Variants in DDX60 observed in about 807,000 individuals in gnomAD.
DDX60 encodes probable ATP-dependent RNA helicase DDX60.
Under a neutral mutation model 212.8 loss-of-function variants are expected in DDX60, and 165 were observed. The observed-to-expected ratio is 0.78, with a 90% confidence interval of 0.68 to 0.88. The LOEUF (loss-of-function observed/expected upper bound fraction) is 0.88, where lower values mean the gene tolerates loss of function less well. DDX60 is among the 40% of genes least tolerant of loss of function. The pLI is 0.00. For missense variants in DDX60, 1,905 were observed against 2,003.9 expected (o/e 0.95, Z 0.94); for synonymous variants, 703 against 685.3 (o/e 1.03, Z -0.40).
intron 10 of DDX60, among the ~76,000 whole-genome samples, chr4:168,285,955 G>A (rs1029310113): frequency 3.0e-5 from 4 of 132,036 alleles, no homozygotes; most frequent in African/African-American, 1.2e-4. Context: ...AAGGGAGGGA[G>A]GGAAAGGAAA....
intron 12 of DDX60, 129 bp from the exon 13 acceptor site, chr4:168,283,735 T>A: frequency 1.5e-6 from 1 of 674,332 alleles, no homozygotes; most frequent in Non-Finnish European, 2.4e-6. Flanking sequence ...TTATCTTTCT[T>A]AAAGAGAGAA....
Position 168,272,064 on chromosome 4 carries a change from G to C in DDX60, c.2649C>G (p.Ile883Met). 1 of 1,583,928 alleles carries C rather than the reference G, an allele frequency of 6.3e-7. No homozygotes were observed. Among genetic ancestry groups the C allele is most frequent in the Non-Finnish European group, 8.6e-7 (1 of 1,162,216 alleles). Residue 883 changes from isoleucine (I) to methionine (M), a missense_variant, in exon 19 of 38, where the codon ATC (isoleucine) becomes ATG (methionine). Ile to Met is a conservative substitution (Grantham distance 10). Transcript: ENST00000393743. ...APHRQNWVKK[I>M]RYVIFDEVHC... is the part of the protein sequence containing the mutation. ...CTACCTCATCAAATATAACATATCT[G>C]ATCTTTTTCACCCAGTTTTGGCGAT...
intron 14 of DDX60, among the ~76,000 whole-genome samples, chr4:168,280,116 A>C (rs1482480252): frequency 2.0e-5 from 3 of 152,144 alleles, no homozygotes; most frequent in Non-Finnish European, 4.4e-5. Flanking sequence ...AACAATATAC[A>C]TGGCATTTGG....
chr4:168,220,621 A>G, intron 37 of DDX60, 34 bp downstream of exon 37: 2 of 1,176,002 alleles, frequency 1.7e-6, no homozygotes, highest in Non-Finnish European at 2.4e-6. Flanking sequence ...AATTATTAAA[A>G]AATCTAAAAT....
chr4:168,224,519 T>C, intron 34 of DDX60, 134 bp from the exon 35 acceptor site: 1 of 796,840 alleles, frequency 1.3e-6, no homozygotes, highest in East Asian at 2.7e-5. Flanking sequence ...GTTTCGTAAG[T>C]TATATCGCAT....
chr4:168,271,967 C>T (rs1012408990), intron 19 of DDX60, 76 bp downstream of exon 19: 53 of 1,193,734 alleles, frequency 4.4e-5, no homozygotes, highest in Middle Eastern at 2.7e-4. Flanking sequence ...GGATAGATGT[C>T]CTGAAACACC....
At chr4:168,307,077 T>C (rs1300237439) in intron 4 of DDX60, among the ~76,000 whole-genome samples, 1 of 152,178 alleles carries the variant, frequency 6.6e-6, no homozygotes, top group Non-Finnish European at 1.5e-5. Flanking sequence ...AGGTGAACCA[T>C]TGTGTTTTAG....
chr4:168,312,686 G>A (rs1737186237), intron 1 of DDX60, among the ~76,000 whole-genome samples: 1 of 136,884 alleles, frequency 7.3e-6, no homozygotes, highest in African/African-American at 2.8e-5. Flanking sequence ...ATAGATAGTA[G>A]ATAGATTGAT....
chr4:168,268,969 C>A lies in DDX60; in HGVS notation c.2671G>T (p.Val891Phe), dbSNP rs371708675. 4 of 1,469,744 alleles carry A rather than the reference C, an allele frequency of 2.7e-6. No individual in the cohort carries two copies. The highest frequency in any genetic ancestry group is 2.7e-6 in the Non-Finnish European group (3 of 1,101,686). 91.0% of individuals were successfully genotyped at this position (1,469,744 alleles called of 1,614,324 possible). A position where few individuals can be genotyped will look rare whatever the true frequency, so the allele number is the denominator to read the frequency against. ...KKIRYVIFDEVHCLGGEIGAE... is the reference protein window; with the variant it reads ...KKIRYVIFDEFHCLGGEIGAE... ...CCAATTTCTCCACCAAGACAATGAA[C>A]CTATTAAACAAAAAAAAAAAAATCT... The change falls in exon 20 of 38, where the codon GTT (valine) becomes TTT (phenylalanine). Residue 891 changes from valine (V) to phenylalanine (F), a missense_variant and splice_region_variant. Val to Phe is a conservative substitution (Grantham distance 50). Transcript: ENST00000393743.
chr4:168,302,508 A>G (rs996577897), intron 5 of DDX60, 92 bp from the exon 6 acceptor site: 5 of 542,680 alleles, frequency 9.2e-6, no homozygotes, highest in Non-Finnish European at 1.5e-5. Context: ...AGATATAATT[A>G]TGTTACGATA....
chr4:168,276,135 C>T lies in DDX60; in HGVS notation c.2025G>A (p.Arg675=), dbSNP rs753154850. The T allele has an allele frequency of 3.7e-6, 6 of 1,613,264 alleles. 1 individual carries two copies. The South Asian group carries it at 4.4e-5, about 12-fold the overall frequency. The change falls in exon 15 of 38, where the codon AGG becomes AGA. Residue 675 remains arginine (R), a synonymous_variant. Coordinates refer to ENST00000393743, the MANE Select transcript of DDX60 (RefSeq NM_017631.6). The part of the protein sequence containing the change: ...DLSIAVQVMK[R]IHSLMEKYSE... ...AGTATTTTTCCATCAAGGAGTGGAT[C>T]CTTTTCATCACCTGAACAGCTATAC...
At chr4:168,257,925 T>C (rs1156566066) in intron 25 of DDX60, among the ~76,000 whole-genome samples, 1 of 152,194 alleles carries the variant, frequency 6.6e-6, no homozygotes, top group African/African-American at 2.4e-5. Context: ...AAACCAGAGC[T>C]GGCATCAATT....
intron 35 of DDX60, among the ~76,000 whole-genome samples, chr4:168,223,086 T>C (rs986749028): frequency 2.0e-4 from 30 of 152,184 alleles, no homozygotes; most frequent in African/African-American, 7.2e-4. Flanking sequence ...GATTTTGTAA[T>C]ATGTAGTTTT....
In DDX60 at chr4:168,246,288, G is replaced by A. The variant is rs146782754; in HGVS notation, c.4164+130C>T. On this transcript the variant is annotated intron_variant, in intron 30 of 37. Coordinates refer to ENST00000393743, the MANE Select transcript of DDX60 (RefSeq NM_017631.6). ...CTACCCCCAATTCTATACGATTCAA[G>A]ACATTACAAAACATTAAAAGACTGA... is the stretch of plus-strand genomic sequence containing the variant. The A allele has an allele frequency of 2.3e-3, 2,399 of 1,047,026 alleles. 7 individuals are homozygous for A. The highest frequency in any genetic ancestry group is 3.1e-3 in the Non-Finnish European group (2,193 of 714,514). The allele number at this position is 1,047,026 out of a possible 1,614,324, so 64.9% of individuals were successfully genotyped here.
At chr4:168,271,964 T>C (rs547179737) in intron 19 of DDX60, 79 bp downstream of exon 19, 3 of 1,134,410 alleles carry the variant, frequency 2.6e-6, no homozygotes, top group Admixed American at 2.0e-5. Context: ...AGGGGATAGA[T>C]GTCCTGAAAC....
At chr4:168,220,566 T>G in intron 37 of DDX60, 89 bp downstream of exon 37, 1 of 747,454 alleles carries the variant, frequency 1.3e-6, no homozygotes, top group African/African-American at 1.9e-5. Context: ...CACCTTCATG[T>G]ACCTGGCTTA....
At chr4:168,325,118 C>T in the DDX60 span, among the ~76,000 whole-genome samples, 1 of 152,056 alleles carries the variant, frequency 6.6e-6, no homozygotes, top group Non-Finnish European at 1.5e-5. Flanking sequence ...TAAAGGGGCC[C>T]ACAGCATTAA....
Position 168,284,934 on chromosome 4 carries a change from C to A in DDX60, c.1447G>T (p.Asp483Tyr). The A allele has an allele frequency of 1.3e-6, 2 of 1,497,396 alleles. No individual in the cohort carries two copies. Among genetic ancestry groups the A allele is most frequent in the South Asian group, 2.5e-5 (2 of 80,968 alleles). The allele number at this position is 1,497,396 out of a possible 1,614,324, so 92.8% of individuals were successfully genotyped here. A position where few individuals can be genotyped will look rare whatever the true frequency, so the allele number is the denominator to read the frequency against. Residue 483 changes from aspartate to tyrosine, a missense_variant and splice_region_variant, in exon 12 of 38, where the codon GAT (aspartate) becomes TAT (tyrosine). By Grantham distance (160) the Asp-to-Tyr change is radical. Transcript: ENST00000393743. ...ILKDLPFLKS[D>Y]DPIVTSLVKQ... ...ACCAGTGAAGTAACAATAGGATCAT[C>A]ACTGTGAGACAAAAAAAGGCATATT...
intron 25 of DDX60, among the ~76,000 whole-genome samples, chr4:168,257,173 G>A (rs140176681): frequency 0.014 from 2,078 of 152,266 alleles, 45 homozygotes; most frequent in African/African-American, 0.046. Context: ...TGAGCTGGGC[G>A]TGGTGGCACA....
Sources: gnomAD v4.1 joint callset for allele counts (sites outside exome capture counted in the v4.1 genomes callset) on GRCh38, gnomAD v4.1.1 for gene constraint, MANE v1.5 for transcripts, NCBI Gene and HGNC (gene_info 2026-07-23, HGNC 2026-07-21) for gene names.